The following CAPZB variants were observed in gnomAD, a reference collection of about 807,000 sequenced individuals.
CAPZB encodes the protein F-actin-capping protein subunit beta.
Under a neutral mutation model 38.1 loss-of-function variants are expected in CAPZB, and 2 were observed. The observed-to-expected ratio is 0.05, with a 90% CI of 0.02 to 0.17. The LOEUF (loss-of-function observed/expected upper bound fraction) is 0.17. Ranked by LOEUF, CAPZB falls within the 10% of genes least tolerant of loss-of-function variation. The pLI is 1.00. For missense variants in CAPZB, 161 were observed against 334.2 expected, an observed-to-expected ratio of 0.48 and a Z score of 4.04; for synonymous variants, 107 against 127.4, an observed-to-expected ratio of 0.84 and a Z score of 1.08.
At chr1:19,421,491 A>G (rs1305376251) in intron 1 of CAPZB, among the ~76,000 whole-genome samples, 1 of 152,256 alleles carries the variant, frequency 6.6e-6, no homozygotes, top group African/African-American at 2.4e-5. Context: ...TGCAAAGAGA[A>G]AAGAAAAACA....
intron 8 of CAPZB, chr1:19,342,699 G>T (rs2093937038): frequency 8.7e-7 from 1 of 1,144,064 alleles, no homozygotes; most frequent in Non-Finnish European, 1.3e-6. Context: ...GTCTCGGCGG[G>T]TTGGTGAGTC....
intron 1 of CAPZB, among the ~76,000 whole-genome samples, chr1:19,427,402 G>A (rs1202661685): frequency 6.6e-6 from 1 of 152,232 alleles, no homozygotes; most frequent in Non-Finnish European, 1.5e-5. Flanking sequence ...CAGCACAAAG[G>A]TAAACTCTGC....
Position 19,338,830 on chromosome 1 carries a change from G to A in CAPZB, c.*700C>T, listed in dbSNP as rs1413727196. 6.6e-6 allele frequency: 1 copy of A among 152,472 alleles called. No homozygotes were observed. The highest frequency in any genetic ancestry group is 2.4e-5 in the African/African-American group (1 of 41,444). 9.4% of individuals were successfully genotyped at this position (152,472 alleles called of 1,614,324 possible). ...TCTTTTCTTTTCTTTTTTTAAGTAT[G>A]GAGGCTCAAGTATAAGATGTAGATT... On this transcript the variant is annotated 3_prime_UTR_variant, in exon 9 of 9. Transcript: ENST00000264202.
intron 2 of CAPZB, 187 bp from the exon 3 acceptor site, chr1:19,385,813 A>G: frequency 1.3e-6 from 1 of 766,664 alleles, no homozygotes. Flanking sequence ...CCCTCTATAA[A>G]GAAACCCATT....
rs566894432 is a variant in CAPZB at position 19,478,274 on chromosome 1, G to A, written c.3+7162C>T. ...CTAGCACCTGCCTTCCAGGCTGGTTGGGAAGTTAAATGAAACACCACCTAT... is the reference window on the plus strand; with the variant it reads ...CTAGCACCTGCCTTCCAGGCTGGTTAGGAAGTTAAATGAAACACCACCTAT... On this transcript the variant is annotated intron_variant, in intron 1 of 8. Coordinates refer to ENST00000264202, the MANE Select transcript of CAPZB (RefSeq NM_004930.5). 2.0e-3 allele frequency among the ~76,000 whole-genome samples: 307 copies of A among 152,280 alleles called. 1 individual carries two copies. The highest frequency in any genetic ancestry group is 5.9e-3 in the African/African-American group (246 of 41,532).
chr1:19,404,434 T>C (rs1161340985), intron 2 of CAPZB, among the ~76,000 whole-genome samples: 2 of 150,842 alleles, frequency 1.3e-5, no homozygotes, highest in South Asian at 2.1e-4. Flanking sequence ...GTTCCAGCTA[T>C]TCCAGACGCT....
At chr1:19,457,124 C>T (rs953569858) in intron 1 of CAPZB, among the ~76,000 whole-genome samples, 1 of 152,152 alleles carries the variant, frequency 6.6e-6, no homozygotes, top group African/African-American at 2.4e-5. Context: ...GCGGGAAAAG[C>T]GAGCAAACCA....
intron 8 of CAPZB, among the ~76,000 whole-genome samples, chr1:19,343,484 T>A (rs940947858): frequency 9.2e-5 from 14 of 152,226 alleles, no homozygotes; most frequent in African/African-American, 3.4e-4. Context: ...GCTGCTGGAC[T>A]GCAGAGCGTG....
intron 4 of CAPZB, among the ~76,000 whole-genome samples, chr1:19,368,573 TGCCCCGA>T (rs1001078815): frequency 6.7e-6 from 1 of 149,140 alleles, no homozygotes; most frequent in Non-Finnish European, 1.5e-5. Flanking sequence ...ATCCGGGACA[TGCCCCGA>T]GCACCCTGTA....
At chr1:19,449,174 T>C (rs372983364) in intron 1 of CAPZB, 3 of 1,288,214 alleles carry the variant, frequency 2.3e-6, no homozygotes, top group South Asian at 4.1e-5. Context: ...CAAAGTGCAC[T>C]GCGGTGTCTC....
chr1:19,382,672 A>T (rs1231074045), intron 3 of CAPZB, among the ~76,000 whole-genome samples: 1 of 152,138 alleles, frequency 6.6e-6, no homozygotes, highest in Non-Finnish European at 1.5e-5. Context: ...CAAAGGGGTG[A>T]CCTGGAAGGG....
Position 19,467,007 on chromosome 1 carries a change from C to T in CAPZB, c.3+18429G>A, listed in dbSNP as rs78664221. On this transcript the variant is annotated intron_variant, in intron 1 of 8. Coordinates refer to ENST00000264202, the MANE Select transcript of CAPZB (RefSeq NM_004930.5). ...AACACACAAGCTCCAGGGATCCTCC[C>T]GCCTCAGCCTCCCAAGTAGCTGGGA... Among the ~76,000 whole-genome samples the T allele has an allele frequency of 4.8e-3, 725 of 152,144 alleles. 5 individuals carry two copies. Among genetic ancestry groups the T allele is most frequent in the African/African-American group, 0.017 (686 of 41,500 alleles).
At chr1:19,448,756 G>A in intron 1 of CAPZB, 1 of 1,528,920 alleles carries the variant, frequency 6.5e-7, no homozygotes, top group Non-Finnish European at 9.0e-7. Context: ...CCTTCACCCT[G>A]GCAGTTAACA....
intron 4 of CAPZB, among the ~76,000 whole-genome samples, chr1:19,362,841 C>T (rs2094060927): frequency 1.3e-5 from 2 of 152,188 alleles, no homozygotes; most frequent in South Asian, 4.2e-4. Context: ...CAGGGACTAG[C>T]TTGCAAAGAC....
intron 4 of CAPZB, among the ~76,000 whole-genome samples, chr1:19,372,052 A>C (rs3790767): frequency 0.3 from 45,089 of 152,144 alleles, 6,997 homozygotes; most frequent in Middle Eastern, 0.37. Flanking sequence ...TGCCATGAGG[A>C]CGCCAGCCTT....
At chr1:19,477,175 A>T (rs2094609832) in intron 1 of CAPZB, among the ~76,000 whole-genome samples, 1 of 152,230 alleles carries the variant, frequency 6.6e-6, no homozygotes, top group African/African-American at 2.4e-5. Context: ...TACAGACTGA[A>T]GGTATCCTTC....
In CAPZB at chr1:19,395,151, G is replaced by A. The variant is rs549310637; in HGVS notation, c.94-9525C>T. 6.6e-5 allele frequency among the ~76,000 whole-genome samples: 10 copies of A among 152,260 alleles called. No homozygotes were observed. In the East Asian group the frequency reaches 9.6e-4, roughly 15 times the overall value. On this transcript the variant is annotated intron_variant, in intron 2 of 8. Coordinates refer to ENST00000264202, the MANE Select transcript of CAPZB (RefSeq NM_004930.5). ...GGATTTTTCGTCACGTAACCCCTTC[G>A]AGGGTGCAGCAGCATCTGTACCTGC...
chr1:19,353,818 C>T (rs1185004310), intron 6 of CAPZB, among the ~76,000 whole-genome samples: 2 of 152,232 alleles, frequency 1.3e-5, no homozygotes, highest in African/African-American at 4.8e-5. Context: ...GGGAGGGGCC[C>T]AGAGGGCAGC....
At chr1:19,426,180 T>A (rs2094421862) in intron 1 of CAPZB, among the ~76,000 whole-genome samples, 1 of 152,210 alleles carries the variant, frequency 6.6e-6, no homozygotes. Flanking sequence ...CCCGAGGAGC[T>A]AGGCTCAGAA....
Sources: allele counts gnomAD v4.1 joint callset (sites outside exome capture counted in the v4.1 genomes callset), GRCh38; gene constraint gnomAD v4.1.1; transcripts MANE v1.5; gene names NCBI Gene and HGNC (gene_info 2026-07-23, HGNC 2026-07-21).